CHD6: variants seen among roughly 807,000 people sequenced by gnomAD.
CHD6 encodes the protein ATP-dependent chromatin remodeler CHD6.
Under a neutral mutation model 276.9 loss-of-function variants are expected in CHD6, and 50 were observed. The ratio of observed to expected loss-of-function variants is 0.18; its 90% CI spans 0.14 to 0.23. The LOEUF is 0.23. Among genes scored for constraint, CHD6 ranks in the 10% least tolerant of loss-of-function variants. CHD6 has a pLI of 1.00. For missense variants in CHD6, 2,564 were observed against 3,365.8 expected (o/e 0.76, Z 5.89); for synonymous variants, 1,173 against 1,229.3 (o/e 0.95, Z 0.96).
rs772509523 is a variant in CHD6 at position 41,533,556 on chromosome 20, T to G, written c.48A>C (p.Lys16Asn). 6.2e-7 allele frequency: 1 copy of G among 1,603,306 alleles called. No homozygotes were observed. Among genetic ancestry groups the G allele is most frequent in the Non-Finnish European group, 8.5e-7 (1 of 1,177,852 alleles). ...QKKEKQLSNL[K>N]VLNHSPMSDA... ...CAGACATTGGGGAGTGATTCAAAAC[T>G]TTTAAATTTGACAACTGTAAAAGAA... Residue 16 changes from lysine to asparagine, a missense_variant, in exon 3 of 37, where the codon AAA (lysine) becomes AAC (asparagine). Physicochemically the swap from Lys to Asn is moderately conservative, Grantham distance 94 (BLOSUM62 0). Transcript: ENST00000373233.
At chr20:41,548,091 C>CAT (rs1393634418) in intron 2 of CHD6, among the ~76,000 whole-genome samples, 3 of 152,206 alleles carry the variant, frequency 2.0e-5, no homozygotes, top group African/African-American at 7.2e-5. Context: ...ACTGAATTCT[C>CAT]CATCCTGGAG....
At position 41,504,265 on chromosome 20, in the gene CHD6, T is replaced by C. The variant is rs368431860; in HGVS notation, c.853-4908A>G. Among the ~76,000 whole-genome samples the C allele has an allele frequency of 5.9e-5, 9 of 152,006 alleles. 1 individual carries two copies. In the South Asian group the frequency reaches 1.7e-3, roughly 28 times the overall value. ...TCTTCTGCTGCATCTAATCTACTTATAAACCTATCCACTTGGTCTTGAATT... is the reference window on the plus strand; with the variant it reads ...TCTTCTGCTGCATCTAATCTACTTACAAACCTATCCACTTGGTCTTGAATT... On this transcript the variant is annotated intron_variant, in intron 5 of 36. Coordinates refer to ENST00000373233, the MANE Select transcript of CHD6 (RefSeq NM_032221.5).
chr20:41,451,771 GGGGATGAAGTGCAT>G, intron 22 of CHD6, 41 bp downstream of exon 22: 1 of 1,480,310 alleles, frequency 6.8e-7, no homozygotes, highest in East Asian at 2.3e-5. Flanking sequence ...CAGAGGAAGA[GGGGATGAAGTGCAT>G]GGGAATCGTG....
intron 1 of CHD6, among the ~76,000 whole-genome samples, chr20:41,612,326 T>G (rs2045895196): frequency 6.6e-6 from 1 of 152,240 alleles, no homozygotes; most frequent in Admixed American, 6.5e-5. Flanking sequence ...ATTAATGACC[T>G]CTTTCATATC....
intron 5 of CHD6, among the ~76,000 whole-genome samples, chr20:41,507,111 G>C (rs2043995146): frequency 6.6e-6 from 1 of 152,142 alleles, no homozygotes; most frequent in Non-Finnish European, 1.5e-5. Flanking sequence ...ATCCACACAT[G>C]TACATACACT....
chr20:41,525,446 T>C (rs1020701754), intron 3 of CHD6, among the ~76,000 whole-genome samples: 14 of 152,322 alleles, frequency 9.2e-5, no homozygotes, highest in African/African-American at 1.7e-4. Flanking sequence ...AACACCTCTA[T>C]GTTTGCTGCA....
chr20:41,568,459 A>G (rs577916373), intron 1 of CHD6, among the ~76,000 whole-genome samples: 12 of 152,356 alleles, frequency 7.9e-5, no homozygotes, highest in African/African-American at 2.6e-4. Flanking sequence ...ACTTTGAGAT[A>G]ATTAATAAAA....
chr20:41,534,493 T>C (rs1288704736), intron 2 of CHD6, among the ~76,000 whole-genome samples: 1 of 152,054 alleles, frequency 6.6e-6, no homozygotes, highest in Non-Finnish European at 1.5e-5. Flanking sequence ...CCTTCTGTTT[T>C]TCCAGTTTCT....
intron 2 of CHD6, among the ~76,000 whole-genome samples, chr20:41,540,653 T>G (rs1036297633): frequency 3.3e-5 from 5 of 152,200 alleles, no homozygotes; most frequent in Non-Finnish European, 7.3e-5. Context: ...TTCATCCAGC[T>G]GTGCTTCCTT....
Position 41,529,298 on chromosome 20 carries a change from C to G in CHD6, c.554+3752G>C, listed in dbSNP as rs565285941. 8.0e-4 allele frequency among the ~76,000 whole-genome samples: 122 copies of G among 152,284 alleles called. 1 individual carries two copies. Among genetic ancestry groups the G allele is most frequent in the African/African-American group, 2.7e-3 (112 of 41,562 alleles). Reference sequence around the variant, plus strand: ...GTATATATACATATACATATCTTAACTTTTGTTGAGGAAAACAAGTCACAC... The same window carrying G: ...GTATATATACATATACATATCTTAAGTTTTGTTGAGGAAAACAAGTCACAC... On this transcript the variant is annotated intron_variant, in intron 3 of 36. Coordinates refer to ENST00000373233, the MANE Select transcript of CHD6 (RefSeq NM_032221.5).
At chr20:41,439,506 C>A (rs1342112664) in intron 26 of CHD6, among the ~76,000 whole-genome samples, 2 of 152,200 alleles carry the variant, frequency 1.3e-5, no homozygotes, top group Non-Finnish European at 2.9e-5. Context: ...TGCACACAGT[C>A]CATGGACAAG....
intron 16 of CHD6, among the ~76,000 whole-genome samples, chr20:41,479,813 A>C (rs890864178): frequency 6.6e-6 from 1 of 152,230 alleles, no homozygotes; most frequent in African/African-American, 2.4e-5. Flanking sequence ...AGATCTATTT[A>C]GTATCCAGCA....
chr20:41,520,372 G>A (rs183252780), intron 3 of CHD6, among the ~76,000 whole-genome samples: 13 of 152,172 alleles, frequency 8.5e-5, no homozygotes, highest in Admixed American at 7.8e-4. Flanking sequence ...ACATGCACAC[G>A]TATGTTACTG....
At chr20:41,415,728 C>T in intron 33 of CHD6, 90 bp from the exon 34 acceptor site, 1 of 954,588 alleles carries the variant, frequency 1.0e-6, no homozygotes, top group Non-Finnish European at 1.5e-6. Flanking sequence ...CCCTAGGCCT[C>T]ATATTGTTTC....
At chr20:41,536,681 A>G (rs979051795) in intron 2 of CHD6, among the ~76,000 whole-genome samples, 3 of 152,224 alleles carry the variant, frequency 2.0e-5, no homozygotes, top group African/African-American at 7.2e-5. Flanking sequence ...TCAGGCAACA[A>G]AAACCATTAA....
Position 41,577,159 on chromosome 20 carries a change from C to T in CHD6, c.-23-25799G>A, listed in dbSNP as rs867539793. Among the ~76,000 whole-genome samples the T allele has an allele frequency of 2.6e-5, 4 of 152,126 alleles. No individual in the cohort carries two copies. In the South Asian group the frequency reaches 8.3e-4, roughly 32 times the overall value. ...AGAGACAGCAGAAATAAACTTAGAA[C>T]GAGAGAGTCTCTATAGTATCTCCTG... On this transcript the variant is annotated intron_variant, in intron 1 of 36. Transcript: ENST00000373233.
intron 17 of CHD6, among the ~76,000 whole-genome samples, chr20:41,460,592 C>T (rs2048514440): frequency 6.6e-6 from 1 of 152,230 alleles, no homozygotes; most frequent in Non-Finnish European, 1.5e-5. Context: ...AGCACCAAAC[C>T]TTGGCAGCTT....
In CHD6 at chr20:41,405,054, C is replaced by T. The variant is rs1456090459; in HGVS notation, c.7687G>A (p.Ala2563Thr). The change falls in exon 37 of 37, where the codon GCA becomes ACA. Residue 2563 changes from alanine (A) to threonine (T), a missense_variant. Ala to Thr is a moderately conservative substitution (Grantham distance 58). This residue lies in a region of CHD6 where 238 missense variants were observed against 266.0 expected (regional missense o/e 0.89). Transcript: ENST00000373233. The part of the protein sequence containing the change: ...SLSSTTKSGT[A>T]VTEKTAEDKP... ...TCTTCCGCAGTCTTTTCAGTCACTGCCGTACCACTTTTCGTTGTGCTTGAT... is the reference window on the plus strand; with the variant it reads ...TCTTCCGCAGTCTTTTCAGTCACTGTCGTACCACTTTTCGTTGTGCTTGAT... The T allele has an allele frequency of 6.2e-7, 1 of 1,614,228 alleles. No homozygotes were observed. Among genetic ancestry groups the T allele is most frequent in the Admixed American group, 1.7e-5 (1 of 60,026 alleles).
chr20:41,423,748 A>G, intron 29 of CHD6, 48 bp from the exon 30 acceptor site: 1 of 1,495,020 alleles, frequency 6.7e-7, no homozygotes, highest in Non-Finnish European at 9.3e-7. Flanking sequence ...TTCTTTTTTT[A>G]AAGCCAATAA....
Sources: allele counts gnomAD v4.1 joint callset (sites outside exome capture counted in the v4.1 genomes callset), GRCh38; gene constraint gnomAD v4.1.1; regional missense constraint gnomAD v4.1.1; transcripts MANE v1.5; gene names NCBI Gene and HGNC (gene_info 2026-07-23, HGNC 2026-07-21).